Variants in SDK1 observed in about 807,000 individuals in gnomAD.
SDK1 encodes sidekick cell adhesion molecule 1, also known as protein sidekick-1.
SDK1 carries 157 observed loss-of-function variants against 245.5 expected under a neutral mutation model. The ratio of observed to expected loss-of-function variants is 0.64; its 90% confidence interval spans 0.56 to 0.73. The LOEUF is 0.73. SDK1 is among the 30% of genes least tolerant of loss of function. The pLI is 0.00. For synonymous variants in SDK1, 1,647 were observed against 1,278.5 expected, an observed-to-expected ratio of 1.29 and a Z score of -6.15; for missense variants, 3,583 against 3,002.3, an observed-to-expected ratio of 1.19 and a Z score of -4.52.
chr7:3,714,745 T>C (rs1785151932), intron 4 of SDK1, among the ~76,000 whole-genome samples: 1 of 152,214 alleles, frequency 6.6e-6, no homozygotes, highest in Admixed American at 6.5e-5. Flanking sequence ...CTTGAAGCGT[T>C]GAGTGTCAAG....
At chr7:3,492,757 C>G (rs1333748497) in intron 1 of SDK1, among the ~76,000 whole-genome samples, 1 of 152,124 alleles carries the variant, frequency 6.6e-6, no homozygotes, top group African/African-American at 2.4e-5. Flanking sequence ...AAAGTCCCAC[C>G]TCATTGGCAA....
chr7:3,327,618 A>C (rs566152612), intron 1 of SDK1, among the ~76,000 whole-genome samples: 1 of 152,266 alleles, frequency 6.6e-6, no homozygotes, highest in East Asian at 1.9e-4. Context: ...AAAGCTGTCC[A>C]GTATAGGCCC....
At chr7:3,521,168 C>T (rs934535523) in intron 1 of SDK1, among the ~76,000 whole-genome samples, 4 of 152,170 alleles carry the variant, frequency 2.6e-5, no homozygotes, top group African/African-American at 7.2e-5. Flanking sequence ...CACATCCCTT[C>T]GTGTTTTCCA....
intron 5 of SDK1, among the ~76,000 whole-genome samples, chr7:3,829,880 A>C (rs1433961803): frequency 6.6e-6 from 1 of 152,170 alleles, no homozygotes; most frequent in African/African-American, 2.4e-5. Flanking sequence ...AACCCCAGTG[A>C]GGCACGTTTG....
chr7:3,309,268 C>T (rs1480593865), intron 1 of SDK1, among the ~76,000 whole-genome samples: 1 of 151,928 alleles, frequency 6.6e-6, no homozygotes, highest in African/African-American at 2.4e-5. Context: ...TGACCAAGCC[C>T]TTCTATACAA....
chr7:4,178,428 G>T, intron 34 of SDK1, 57 bp from the exon 35 acceptor site: 1 of 1,302,598 alleles, frequency 7.7e-7, no homozygotes, highest in Non-Finnish European at 1.1e-6. Flanking sequence ...GGGGAACTTT[G>T]GAGAAAGAGA....
intron 4 of SDK1, among the ~76,000 whole-genome samples, chr7:3,767,142 A>G (rs1347470637): frequency 6.6e-6 from 1 of 152,154 alleles, no homozygotes; most frequent in African/African-American, 2.4e-5. Flanking sequence ...TAAGGCATCT[A>G]GAGGAGAAGG....
chr7:3,322,111 C>T (rs1779829849), intron 1 of SDK1, among the ~76,000 whole-genome samples: 1 of 151,650 alleles, frequency 6.6e-6, no homozygotes, highest in Admixed American at 6.6e-5. Context: ...GTGTGATCAC[C>T]ACCTCTAGTT....
At position 3,628,635 on chromosome 7, in the gene SDK1, A is replaced by G. The variant is rs541730127; in HGVS notation, c.458+9396A>G. On this transcript the variant is annotated intron_variant, in intron 2 of 44. Coordinates refer to ENST00000404826, the MANE Select transcript of SDK1 (RefSeq NM_152744.4). The stretch of plus-strand genomic sequence containing the variant: ...GGGCAGCTTCTAGAACTATTGTCTA[A>G]TTCTATGGCTGAGTCCTGTCTTCCT... 2.0e-5 allele frequency among the ~76,000 whole-genome samples: 3 copies of G among 152,320 alleles called. No homozygotes were observed. The East Asian group carries it at 5.8e-4, about 29-fold the overall frequency.
At chr7:3,452,281 G>C (rs1452291416) in intron 1 of SDK1, among the ~76,000 whole-genome samples, 1 of 152,062 alleles carries the variant, frequency 6.6e-6, no homozygotes, top group African/African-American at 2.4e-5. Context: ...AGATTCTTAG[G>C]TGCTGGCTTT....
At chr7:3,350,296 T>C (rs1024326629) in intron 1 of SDK1, among the ~76,000 whole-genome samples, 1 of 151,190 alleles carries the variant, frequency 6.6e-6, no homozygotes, top group African/African-American at 2.4e-5. Flanking sequence ...GTGGGCGTTA[T>C]TTATTTGGGG....
At chr7:3,481,946 A>G (rs1781534897) in intron 1 of SDK1, among the ~76,000 whole-genome samples, 2 of 152,236 alleles carry the variant, frequency 1.3e-5, no homozygotes, top group African/African-American at 4.8e-5. Flanking sequence ...CCTTTATGGA[A>G]ATAAATTATT....
intron 2 of SDK1, among the ~76,000 whole-genome samples, chr7:3,626,436 T>C (rs547287629): frequency 2.0e-5 from 3 of 152,358 alleles, no homozygotes; most frequent in African/African-American, 7.2e-5. Flanking sequence ...GGACCAAGTC[T>C]CAAGGCTATA....
At chr7:3,790,502 C>T (rs541524487) in intron 4 of SDK1, among the ~76,000 whole-genome samples, 3 of 152,194 alleles carry the variant, frequency 2.0e-5, no homozygotes, top group Admixed American at 6.5e-5. Context: ...AATACCAGAT[C>T]ACATGGTTAA....
chr7:3,719,762 AG>A (rs1393096536), intron 4 of SDK1, among the ~76,000 whole-genome samples: 1 of 152,014 alleles, frequency 6.6e-6, no homozygotes, highest in Non-Finnish European at 1.5e-5. Context: ...GTGGATCATG[AG>A]GTGAAGAGAT....
chr7:3,344,209 C>T (rs1397876533), intron 1 of SDK1, among the ~76,000 whole-genome samples: 3 of 152,170 alleles, frequency 2.0e-5, no homozygotes, highest in Non-Finnish European at 2.9e-5. Context: ...AACAATGAAA[C>T]TCCCTACATG....
chr7:3,515,934 C>G (rs1481484108), intron 1 of SDK1, among the ~76,000 whole-genome samples: 2 of 152,030 alleles, frequency 1.3e-5, no homozygotes, highest in East Asian at 3.9e-4. Context: ...CGTTTTTGAC[C>G]TTTGAAAATG....
At chr7:4,179,790 G>T (rs148511529) in intron 35 of SDK1, among the ~76,000 whole-genome samples, 2 of 151,896 alleles carry the variant, frequency 1.3e-5, no homozygotes, top group African/African-American at 4.8e-5. Flanking sequence ...TGCGGACGGC[G>T]GCCATGGCAG....
rs1259114569 is a variant in SDK1 at position 4,077,160 on chromosome 7, C to T, written c.3173C>T (p.Ser1058Leu). 6.2e-7 allele frequency: 1 copy of T among 1,614,220 alleles called. No homozygotes were observed. The highest frequency in any genetic ancestry group is 8.5e-7 in the Non-Finnish European group (1 of 1,180,036). Residue 1058 changes from serine to leucine, a missense_variant, in exon 21 of 45, where the codon TCA (serine) becomes TTA (leucine). Coordinates refer to ENST00000404826, the MANE Select transcript of SDK1 (RefSeq NM_152744.4). ...GCCGTGGGCACTGGCCTGGTGACTT[C>T]ATCCACCATTTCTTCTGGAGTGCCC... is the stretch of plus-strand genomic sequence containing the variant. ...VTAVGTGLVT[S>L]STISSGVPPD...
Sources: gnomAD v4.1 joint callset for allele counts (sites outside exome capture counted in the v4.1 genomes callset) on GRCh38, gnomAD v4.1.1 for gene constraint, MANE v1.5 for transcripts, NCBI Gene and HGNC (gene_info 2026-07-23, HGNC 2026-07-21) for gene names.